CBL: variants seen among roughly 807,000 people sequenced by gnomAD.
CBL encodes the protein E3 ubiquitin-protein ligase CBL.
A neutral mutation model predicts 96.9 loss-of-function variants in CBL; 45 were observed. The ratio of observed to expected loss-of-function variants is 0.46; its 90% CI spans 0.37 to 0.60. The LOEUF (loss-of-function observed/expected upper bound fraction) is 0.60, where lower values mean the gene tolerates loss of function less well. Among genes scored for constraint, CBL ranks in the 20% least tolerant of loss-of-function variants. The probability of loss-of-function intolerance (pLI) is 0.00; values close to 1 mark genes in which losing one functional copy is unlikely to be tolerated. For missense variants in CBL, 1,024 were observed against 1,143.5 expected, an observed-to-expected ratio of 0.90 and a Z score of 1.51; for synonymous variants, 420 against 426.8, an observed-to-expected ratio of 0.98 and a Z score of 0.20.
chr11:119,295,633 G>A (rs1211219333), intron 12 of CBL, among the ~76,000 whole-genome samples: 1 of 152,136 alleles, frequency 6.6e-6, no homozygotes, highest in African/African-American at 2.4e-5. Flanking sequence ...AGGCTGAGTT[G>A]GGAGGATCAC....
At chr11:119,207,594 T>G (rs1949281420) in intron 1 of CBL, among the ~76,000 whole-genome samples, 1 of 152,262 alleles carries the variant, frequency 6.6e-6, no homozygotes, top group Non-Finnish European at 1.5e-5. Flanking sequence ...TTTTACTTCC[T>G]TATAGTTGTG....
At chr11:119,274,753 GTTT>G in intron 4 of CBL, 76 bp from the exon 5 acceptor site, 1 of 1,081,628 alleles carries the variant, frequency 9.2e-7, no homozygotes, top group Non-Finnish European at 1.3e-6. Flanking sequence ...AGTTGGTGTT[GTTT>G]TTTTTTTTTC....
intron 1 of CBL, among the ~76,000 whole-genome samples, chr11:119,217,803 G>A (rs1287037027): frequency 1.3e-5 from 2 of 152,188 alleles, no homozygotes; most frequent in South Asian, 2.1e-4. Flanking sequence ...GGGTGTGGTG[G>A]CTCACACCTG....
chr11:119,276,203 G>T (rs1477563421), intron 6 of CBL, 69 bp downstream of exon 6: 19 of 1,473,968 alleles, frequency 1.3e-5, no homozygotes, highest in Non-Finnish European at 1.6e-5. Context: ...CATCATTAAT[G>T]ACTTTATTCC....
intron 1 of CBL, among the ~76,000 whole-genome samples, chr11:119,207,597 T>C (rs1158049334): frequency 1.3e-5 from 2 of 152,250 alleles, no homozygotes; most frequent in Admixed American, 1.3e-4. Context: ...TACTTCCTTA[T>C]AGTTGTGTCT....
rs1950125236 is a variant in CBL, at chr11:119,305,044, C to G, written c.*5263C>G. ...TGTGGCAGGCTCCTTCAGCTGGAGA[C>G]AGGGAGCTTCTCAGAGAAGTGAGCA... On this transcript the variant is annotated 3_prime_UTR_variant, in exon 16 of 16. Coordinates refer to ENST00000264033, the MANE Select transcript of CBL (RefSeq NM_005188.4). 1 of 217,004 alleles carries G rather than the reference C, an allele frequency of 4.6e-6. No homozygotes were observed. Among genetic ancestry groups the G allele is most frequent in the African/African-American group, 2.3e-5 (1 of 44,412 alleles). 13.4% of individuals were successfully genotyped at this position (217,004 alleles called of 1,614,324 possible).
At chr11:119,296,598 C>T (rs889376856) in intron 12 of CBL, among the ~76,000 whole-genome samples, 3 of 152,128 alleles carry the variant, frequency 2.0e-5, no homozygotes, top group African/African-American at 4.8e-5. Context: ...AAAATCTTGC[C>T]GTTTCTCTAA....
intron 2 of CBL, among the ~76,000 whole-genome samples, chr11:119,242,848 T>A (rs550350360): frequency 1.5e-4 from 23 of 152,230 alleles, no homozygotes; most frequent in African/African-American, 1.9e-4. Context: ...TTTACTTTTT[T>A]AAAAAAATTT....
chr11:119,229,746 T>G (rs1949487152), intron 1 of CBL, among the ~76,000 whole-genome samples: 1 of 151,874 alleles, frequency 6.6e-6, no homozygotes, highest in African/African-American at 2.4e-5. Context: ...TTTTTTTTCT[T>G]GAGACCAGAA....
At chr11:119,263,972 T>C (rs1423220549) in intron 2 of CBL, among the ~76,000 whole-genome samples, 1 of 152,220 alleles carries the variant, frequency 6.6e-6, no homozygotes, top group Non-Finnish European at 1.5e-5. Flanking sequence ...CCTTCAGCAG[T>C]ATAATTATCA....
intron 1 of CBL, among the ~76,000 whole-genome samples, chr11:119,222,510 A>G (rs571953416): frequency 6.6e-6 from 1 of 152,328 alleles, no homozygotes; most frequent in East Asian, 1.9e-4. Context: ...TTTCTTTTTA[A>G]CATTGTTCTG....
chr11:119,244,879 C>T (rs1449518511), intron 2 of CBL, among the ~76,000 whole-genome samples: 2 of 151,714 alleles, frequency 1.3e-5, no homozygotes, highest in Non-Finnish European at 2.9e-5. Context: ...CAGGGTCTTG[C>T]TTTGTCACAC....
At chr11:119,207,145 C>T (rs1302065436) in intron 1 of CBL, among the ~76,000 whole-genome samples, 2 of 152,034 alleles carry the variant, frequency 1.3e-5, no homozygotes, top group East Asian at 1.9e-4. Context: ...GAGTATAGTC[C>T]TTTCTCATTA....
At chr11:119,294,523 G>A (rs1160731921) in intron 12 of CBL, among the ~76,000 whole-genome samples, 1 of 151,848 alleles carries the variant, frequency 6.6e-6, no homozygotes, top group Non-Finnish European at 1.5e-5. Context: ...GGCTGGGTGC[G>A]GTGGCTCACG....
At chr11:119,258,120 C>T (rs573717046) in intron 2 of CBL, among the ~76,000 whole-genome samples, 9 of 151,866 alleles carry the variant, frequency 5.9e-5, no homozygotes, top group East Asian at 5.8e-4. Flanking sequence ...CCCAGCTACT[C>T]GGGAGGCTGA....
chr11:119,300,116 T>G lies in CBL; in HGVS notation c.*335T>G. Reference sequence around the variant, plus strand: ...TTGCTGGAAATCCTAATTGAGGACTTAAGACTTCCTGGGTTAAGGATGTGG... The same window carrying G: ...TTGCTGGAAATCCTAATTGAGGACTGAAGACTTCCTGGGTTAAGGATGTGG... On this transcript the variant is annotated 3_prime_UTR_variant, in exon 16 of 16. Coordinates refer to ENST00000264033, the MANE Select transcript of CBL (RefSeq NM_005188.4). The G allele has an allele frequency of 1.8e-6, 1 of 549,224 alleles. No individual in the cohort carries two copies. The highest frequency in any genetic ancestry group is 3.1e-5 in the East Asian group (1 of 32,652). The allele number at this position is 549,224 out of a possible 1,614,324, so 34.0% of individuals were successfully genotyped here.
intron 2 of CBL, among the ~76,000 whole-genome samples, chr11:119,269,858 A>G (rs564094210): frequency 4.6e-5 from 7 of 152,032 alleles, no homozygotes; most frequent in African/African-American, 1.4e-4. Flanking sequence ...TTAGCTGGGC[A>G]TGGTGGCGGG....
rs1457872297 is a variant in CBL, at chr11:119,273,968, A to G, written c.691A>G (p.Thr231Ala). Residue 231 changes from threonine (T) to alanine (A), a missense_variant, in exon 4 of 16, where the codon ACC becomes GCC. Physicochemically the swap from Thr to Ala is moderately conservative, Grantham distance 58 (BLOSUM62 0). Around this residue, in one of 4 missense-constraint regions of CBL, gnomAD observed 192 missense variants for 321.8 expected, o/e 0.60. Coordinates refer to ENST00000264033, the MANE Select transcript of CBL (RefSeq NM_005188.4). Reference protein sequence around the residue: ...AMALKSTIDLTCNDYISVFEF... With the variant: ...AMALKSTIDLACNDYISVFEF... ...GGCTCTGAAATCCACTATTGATCTG[A>G]CCTGCAATGATTATATTTCGGTTTT... 1.2e-6 allele frequency: 2 copies of G among 1,613,878 alleles called. No individual in the cohort carries two copies. The highest frequency in any genetic ancestry group is 2.7e-5 in the African/African-American group (2 of 74,884).
chr11:119,295,071 A>T (rs1423322630), intron 12 of CBL, among the ~76,000 whole-genome samples: 3 of 152,384 alleles, frequency 2.0e-5, no homozygotes, highest in Middle Eastern at 3.4e-3. Flanking sequence ...ATAAGAACAG[A>T]TCTATTGTAG....
Sources: gnomAD v4.1 joint callset for allele counts (sites outside exome capture counted in the v4.1 genomes callset) on GRCh38, gnomAD v4.1.1 for gene constraint, gnomAD v4.1.1 regional missense constraint, MANE v1.5 for transcripts, NCBI Gene and HGNC (gene_info 2026-07-23, HGNC 2026-07-21) for gene names.